The following VWA3A variants were observed in gnomAD, a reference collection of about 807,000 sequenced individuals.
The protein encoded by VWA3A is von Willebrand factor A domain-containing protein 3A.
In VWA3A, 134 loss-of-function variants were observed where a neutral mutation model predicts 160.4. The ratio of observed to expected loss-of-function variants is 0.84; its 90% CI spans 0.73 to 0.96. The LOEUF is 0.96. VWA3A is among the 40% of genes least tolerant of loss of function. The pLI is 0.00. For missense variants in VWA3A, 1,310 were observed against 1,447.9 expected, an observed-to-expected ratio of 0.90 and a Z score of 1.55; for synonymous variants, 476 against 543.4, an observed-to-expected ratio of 0.88 and a Z score of 1.72.
intron 31 of VWA3A, among the ~76,000 whole-genome samples, chr16:22,154,322 T>C (rs1349407189): frequency 7.2e-6 from 1 of 139,502 alleles, no homozygotes; most frequent in Non-Finnish European, 1.5e-5. Flanking sequence ...TTTTTCTTTT[T>C]CTTTTTTTTT....
chr16:22,131,371 T>C (rs1241042509), intron 18 of VWA3A, 92 bp downstream of exon 18: 1 of 1,492,368 alleles, frequency 6.7e-7, no homozygotes, highest in Admixed American at 2.0e-5. Context: ...AAGAAGTAGC[T>C]CTCTAGAGTC....
intron 21 of VWA3A, among the ~76,000 whole-genome samples, chr16:22,136,901 A>ACACG (rs2046053916): frequency 1.3e-5 from 2 of 149,432 alleles, no homozygotes; most frequent in South Asian, 4.3e-4. Flanking sequence ...ACACGCACAC[A>ACACG]CACACACACA....
rs2045390716 is a variant in VWA3A at position 22,100,405 on chromosome 16, T to C, written c.351-11T>C. On this transcript the variant is annotated splice_polypyrimidine_tract_variant and intron_variant, in intron 4 of 33. Coordinates refer to ENST00000389398, the MANE Select transcript of VWA3A (RefSeq NM_173615.5). ...CCCGAGAGATCCCCTCATAAGGCTT[T>C]GCTTCTTCAGGGAGGAGGGCACCAA... The C allele has an allele frequency of 6.4e-7, 1 of 1,551,552 alleles. No homozygotes were observed. The highest frequency in any genetic ancestry group is 1.4e-5 in the African/African-American group (1 of 73,024).
At chr16:22,105,524 A>G (rs1000830309) in intron 6 of VWA3A, among the ~76,000 whole-genome samples, 8 of 152,254 alleles carry the variant, frequency 5.3e-5, no homozygotes, top group Admixed American at 5.2e-4. Context: ...CATGCAGGCC[A>G]AATCTGGCCC....
At chr16:22,119,500 G>A (rs148968774) in intron 12 of VWA3A, among the ~76,000 whole-genome samples, 4 of 152,200 alleles carry the variant, frequency 2.6e-5, no homozygotes, top group Non-Finnish European at 5.9e-5. Flanking sequence ...GCAAAACACC[G>A]TCTCTACAAA....
In VWA3A at chr16:22,118,964, C is replaced by A. The variant is rs762397841; in HGVS notation, c.1053C>A (p.Leu351=). The change falls in exon 12 of 34, where the codon CTC becomes CTA. Residue 351 remains leucine (L), a synonymous_variant. Transcript: ENST00000389398. ...LAEIQKAQSL[L]SHVQALQHSS... The stretch of plus-strand genomic sequence containing the variant: ...AAATTCAGAAGGCCCAGAGCCTCCT[C>A]AGCCACGTGCAAGCCCTGCAGCACA... 2.5e-6 allele frequency: 4 copies of A among 1,613,956 alleles called. No homozygotes were observed. The highest frequency in any genetic ancestry group is 3.4e-6 in the Non-Finnish European group (4 of 1,179,868).
intron 26 of VWA3A, among the ~76,000 whole-genome samples, chr16:22,145,814 T>G (rs2046239581): frequency 6.6e-6 from 1 of 152,066 alleles, no homozygotes; most frequent in African/African-American, 2.4e-5. Context: ...ATGGTTGTTT[T>G]TTGTGGGTTT....
At chr16:22,110,654 G>A (rs558774807) in intron 7 of VWA3A, among the ~76,000 whole-genome samples, 1 of 152,180 alleles carries the variant, frequency 6.6e-6, no homozygotes, top group Admixed American at 6.5e-5. Context: ...AAGTGCCAAG[G>A]GTCCAGCAAT....
At chr16:22,148,014 G>A (rs1272663000) in intron 27 of VWA3A, 148 bp from the exon 28 acceptor site, 11 of 1,052,486 alleles carry the variant, frequency 1.0e-5, no homozygotes, top group African/African-American at 1.6e-5. Context: ...CACAAAAGCC[G>A]TCTCTCAGTG....
At position 22,100,374 on chromosome 16, in the gene VWA3A, C is replaced by G. The variant is rs755814804; in HGVS notation, c.351-42C>G. On this transcript the variant is annotated intron_variant, in intron 4 of 33. Coordinates refer to ENST00000389398, the MANE Select transcript of VWA3A (RefSeq NM_173615.5). Reference sequence around the variant, plus strand: ...ACAGCTGCAGTGACACATGCAACCCCCTGGGCCCGAGAGATCCCCTCATAA... The same window carrying G: ...ACAGCTGCAGTGACACATGCAACCCGCTGGGCCCGAGAGATCCCCTCATAA... The G allele has an allele frequency of 3.9e-6, 6 of 1,551,666 alleles. No homozygotes were observed. The South Asian group carries it at 5.9e-5, about 15-fold the overall frequency.
intron 6 of VWA3A, among the ~76,000 whole-genome samples, chr16:22,104,558 A>G (rs2045454029): frequency 6.6e-6 from 1 of 152,128 alleles, no homozygotes; most frequent in South Asian, 2.1e-4. Flanking sequence ...GCACACCTGT[A>G]GTCCCAGCTA....
At chr16:22,105,718 T>C (rs983211468) in intron 6 of VWA3A, among the ~76,000 whole-genome samples, 1 of 152,228 alleles carries the variant, frequency 6.6e-6, no homozygotes, top group Non-Finnish European at 1.5e-5. Context: ...ATGGAATAAA[T>C]GTCTAGAACT....
In VWA3A at chr16:22,152,645, G is replaced by C. The variant is rs766962253; in HGVS notation, c.3405+11G>C. 1.3e-6 allele frequency: 2 copies of C among 1,595,644 alleles called. No homozygotes were observed. The highest frequency in any genetic ancestry group is 2.3e-5 in the South Asian group (2 of 87,958). On this transcript the variant is annotated intron_variant, in intron 31 of 33. Coordinates refer to ENST00000389398, the MANE Select transcript of VWA3A (RefSeq NM_173615.5). ...TTCATCAATGAAAAGGTAGGTTGCA[G>C]AGCCACTGAGCATGAGGTCTGTTGA...
At position 22,131,634 on chromosome 16, in the gene VWA3A, C is replaced by G. The variant is rs2045951075; in HGVS notation, c.1777C>G (p.Leu593Val). The G allele has an allele frequency of 6.2e-7, 1 of 1,613,820 alleles. No individual in the cohort carries two copies. The highest frequency in any genetic ancestry group is 1.3e-5 in the African/African-American group (1 of 74,956). ...GGGCAGCAGGAACGTTCTCAGCGCCCTGCGGAAGGCTGTGGAAGTAGACTT... is the reference window on the plus strand; with the variant it reads ...GGGCAGCAGGAACGTTCTCAGCGCCGTGCGGAAGGCTGTGGAAGTAGACTT... ...CRGSRNVLSA[L>V]RKAVEVDFKD... The change falls in exon 19 of 34, where the codon CTG (leucine) becomes GTG (valine). Residue 593 changes from leucine to valine, a missense_variant. By Grantham distance (32) the Leu-to-Val change is conservative (BLOSUM62 1). Transcript: ENST00000389398.
At chr16:22,152,236 A>C (rs1323238112) in intron 30 of VWA3A, among the ~76,000 whole-genome samples, 1 of 151,992 alleles carries the variant, frequency 6.6e-6, no homozygotes. Context: ...TGGGGGCTGG[A>C]GTGTGTGGGC....
intron 11 of VWA3A, among the ~76,000 whole-genome samples, chr16:22,117,594 G>A (rs534070206): frequency 3.3e-5 from 5 of 152,286 alleles, no homozygotes; most frequent in Admixed American, 2.6e-4. Flanking sequence ...ACTGCAGAGC[G>A]AAATGAGCAA....
chr16:22,093,534 A>C (rs1901415434), intron 1 of VWA3A, among the ~76,000 whole-genome samples: 1 of 152,212 alleles, frequency 6.6e-6, no homozygotes, highest in Admixed American at 6.5e-5. Flanking sequence ...TGAGTGCTCT[A>C]TAAATGTTCA....
chr16:22,104,637 G>C (rs1317930110), intron 6 of VWA3A, among the ~76,000 whole-genome samples: 4 of 152,092 alleles, frequency 2.6e-5, no homozygotes, highest in African/African-American at 9.6e-5. Context: ...CTATGATTTT[G>C]CCACTGCACT....
chr16:22,098,065 C>A (rs183903710), intron 3 of VWA3A, among the ~76,000 whole-genome samples: 14 of 152,286 alleles, frequency 9.2e-5, no homozygotes, highest in Non-Finnish European at 2.1e-4. Flanking sequence ...TGCTGTTGGA[C>A]AAATGGGGTA....
Sources: gnomAD v4.1 joint callset for allele counts (sites outside exome capture counted in the v4.1 genomes callset) on GRCh38, gnomAD v4.1.1 for gene constraint, MANE v1.5 for transcripts, NCBI Gene and HGNC (gene_info 2026-07-23, HGNC 2026-07-21) for gene names.